Variants in ACSM3 observed in about 807,000 individuals in gnomAD.
The protein encoded by ACSM3 is acyl-CoA synthetase medium chain family member 3.
ACSM3 carries 61 observed loss-of-function variants against 74.1 expected under a neutral mutation model. The observed-to-expected ratio is 0.82, with a 90% confidence interval of 0.67 to 1.02. The LOEUF is 1.02. Among genes scored for constraint, ACSM3 ranks in the 50% least tolerant of loss-of-function variants. The pLI is 0.00. For missense variants in ACSM3, 660 were observed against 697.0 expected (o/e 0.95, Z 0.60); for synonymous variants, 213 against 241.5 (o/e 0.88, Z 1.09).
At chr16:20,791,068 GATTAAGCAA>G (rs1002531968) in intron 10 of ACSM3, 1 of 796,424 alleles carries the variant, frequency 1.3e-6, no homozygotes, top group Admixed American at 2.9e-5. Context: ...GGGGTGGTGG[GATTAAGCAA>G]ATGTCTTTCA....
intron 1 of ACSM3, chr16:20,682,395 T>C (rs2079465526): frequency 6.2e-7 from 1 of 1,614,044 alleles, no homozygotes; most frequent in Middle Eastern, 1.6e-4. Flanking sequence ...CCCTTGGCTT[T>C]AGACAACTGT....
chr16:20,775,995 A>T lies in ACSM3; in HGVS notation c.376A>T (p.Ile126Phe). 1 of 1,614,160 alleles carries T rather than the reference A, an allele frequency of 6.2e-7. No homozygotes were observed. The highest frequency in any genetic ancestry group is 8.5e-7 in the Non-Finnish European group (1 of 1,180,034). The change falls in exon 3 of 14, where the codon ATT becomes TTT. Residue 126 changes from isoleucine to phenylalanine, a missense_variant. Ile to Phe is a conservative substitution (Grantham distance 21). Coordinates refer to ENST00000289416, the MANE Select transcript of ACSM3 (RefSeq NM_005622.4). Reference protein sequence around the residue: ...SLQRGDRVILILPRVPEWWLA... With the variant: ...SLQRGDRVILFLPRVPEWWLA... Reference sequence around the variant, plus strand: ...ACAAAGAGGAGATCGGGTAATTCTGATTCTGCCCAGGGTCCCAGAGTGGTG... The same window carrying T: ...ACAAAGAGGAGATCGGGTAATTCTGTTTCTGCCCAGGGTCCCAGAGTGGTG...
intron 1 of ACSM3, chr16:20,728,523 T>C: frequency 2.4e-6 from 2 of 820,822 alleles, no homozygotes; most frequent in Non-Finnish European, 3.8e-6. Flanking sequence ...CATGTCTTAA[T>C]ACAGACTTTG....
intron 2 of ACSM3, among the ~76,000 whole-genome samples, chr16:20,772,567 CTACCACATATGAT>C (rs963431095): frequency 6.6e-6 from 1 of 152,086 alleles, no homozygotes; most frequent in Non-Finnish European, 1.5e-5. Flanking sequence ...TAGTCTTAGT[CTACCACATATGAT>C]TACCACTTTT....
chr16:20,700,510 A>T (rs2030345587), intron 1 of ACSM3, among the ~76,000 whole-genome samples: 1 of 152,042 alleles, frequency 6.6e-6, no homozygotes, highest in South Asian at 2.1e-4. Context: ...ACTCCAGGCA[A>T]AAGCCACAGC....
At chr16:20,730,289 G>A (rs1484831279) in intron 1 of ACSM3, among the ~76,000 whole-genome samples, 1 of 152,188 alleles carries the variant, frequency 6.6e-6, no homozygotes, top group Non-Finnish European at 1.5e-5. Context: ...AACTGTCATG[G>A]AACTCAGAAT....
At position 20,786,168 on chromosome 16, in the gene ACSM3, T is replaced by C; in HGVS notation, c.1224+10T>C. On this transcript the variant is annotated intron_variant, in intron 9 of 13. Coordinates refer to ENST00000289416, the MANE Select transcript of ACSM3 (RefSeq NM_005622.4). ...TGCTTTCGATGTTAAGGTTTGCACA[T>C]CCCCTTCCAGGAGAATGTTTAACAA... 6.2e-7 allele frequency: 1 copy of C among 1,608,720 alleles called. No individual in the cohort carries two copies. Among genetic ancestry groups the C allele is most frequent in the Non-Finnish European group, 8.5e-7 (1 of 1,177,538 alleles).
At chr16:20,776,144 T>C in intron 3 of ACSM3, 95 bp downstream of exon 3, 2 of 1,354,808 alleles carry the variant, frequency 1.5e-6, no homozygotes, top group South Asian at 1.3e-5. Context: ...TATTTTGTTG[T>C]GGGCTTATTG....
chr16:20,738,906 G>A, intron 1 of ACSM3: 1 of 1,614,136 alleles, frequency 6.2e-7, no homozygotes, highest in East Asian at 2.2e-5. Context: ...CCTATCCCAA[G>A]TGTCCTGATG....
rs776505908 is a variant in ACSM3 at position 20,797,410 on chromosome 16, A to G, written c.*438A>G. 9 of 1,003,518 alleles carry G rather than the reference A, an allele frequency of 9.0e-6. No homozygotes were observed. The highest frequency in any genetic ancestry group is 1.1e-5 in the Non-Finnish European group (9 of 837,192). The allele number at this position is 1,003,518 out of a possible 1,614,324, so 62.2% of individuals were successfully genotyped here. On this transcript the variant is annotated 3_prime_UTR_variant, in exon 14 of 14. Transcript: ENST00000289416. ...AAATATCAGTTAGAAGATTATGATAATCTCAAAGTACAAGAATCTACCTGA... is the reference window on the plus strand; with the variant it reads ...AAATATCAGTTAGAAGATTATGATAGTCTCAAAGTACAAGAATCTACCTGA...
intron 3 of ACSM3, among the ~76,000 whole-genome samples, chr16:20,776,628 A>T (rs1190685429): frequency 6.6e-6 from 1 of 152,336 alleles, no homozygotes; most frequent in Middle Eastern, 3.4e-3. Flanking sequence ...TACATATTTT[A>T]ACTCATTTAA....
intron 1 of ACSM3, among the ~76,000 whole-genome samples, chr16:20,678,940 A>G (rs1375817017): frequency 6.6e-6 from 1 of 152,094 alleles, no homozygotes; most frequent in African/African-American, 2.4e-5. Flanking sequence ...TCTGTAGACT[A>G]GAAGAAGTAA....
At chr16:20,782,811 C>A (rs1201092425) in intron 7 of ACSM3, among the ~76,000 whole-genome samples, 1 of 152,190 alleles carries the variant, frequency 6.6e-6, no homozygotes, top group Non-Finnish European at 1.5e-5. Flanking sequence ...TTACATTTCC[C>A]AGCTTATTAT....
At chr16:20,791,955 A>AG in intron 10 of ACSM3, 47 bp from the exon 11 acceptor site, 1 of 1,593,504 alleles carries the variant, frequency 6.3e-7, no homozygotes, top group Non-Finnish European at 8.5e-7. Flanking sequence ...CCAATTGACC[A>AG]GAAGAGTTGG....
In ACSM3 at chr16:20,685,165, TC is replaced by T. The variant is rs1423377042; in HGVS notation, c.-190+10345del. On this transcript the variant is annotated intron_variant, in intron 1 of 3. Coordinates refer to the ACSM3 transcript ENST00000561584. ...CATTGGTTCTAGAACAGCCCCGAGG[TC>T]CACCAGGTCCCTCTTGCATCACTGA... 1.9e-6 allele frequency: 3 copies of T among 1,612,646 alleles called. No homozygotes were observed. In the East Asian group the frequency reaches 6.7e-5, roughly 36 times the overall value.
intron 6 of ACSM3, 63 bp downstream of exon 6, chr16:20,781,193 T>C: frequency 6.3e-7 from 1 of 1,577,684 alleles, no homozygotes; most frequent in Non-Finnish European, 8.6e-7. Context: ...CTGACAGAAC[T>C]GGTGAATAAA....
At chr16:20,747,700 G>A (rs1271827462) in intron 1 of ACSM3, among the ~76,000 whole-genome samples, 2 of 152,324 alleles carry the variant, frequency 1.3e-5, no homozygotes, top group African/African-American at 4.8e-5. Context: ...CACCAATGGT[G>A]GCATCTCAGT....
chr16:20,793,709 C>T (rs1567365651), intron 12 of ACSM3, among the ~76,000 whole-genome samples: 1 of 152,120 alleles, frequency 6.6e-6, no homozygotes, highest in Non-Finnish European at 1.5e-5. Flanking sequence ...GGGTATATTC[C>T]AGGCAGCTGA....
chr16:20,679,422 C>T (rs899295606), intron 1 of ACSM3: 6 of 152,054 alleles, frequency 3.9e-5, no homozygotes, highest in Non-Finnish European at 7.3e-5. Context: ...TACACACAGC[C>T]GAAGCTAAGA....
Sources: allele counts gnomAD v4.1 joint callset (sites outside exome capture counted in the v4.1 genomes callset), GRCh38; gene constraint gnomAD v4.1.1; transcripts MANE v1.5; gene names NCBI Gene and HGNC (gene_info 2026-07-23, HGNC 2026-07-21).